The following TSHZ1 variants were observed in gnomAD, a reference collection of about 807,000 sequenced individuals.
TSHZ1 encodes teashirt homolog 1.
Under a neutral mutation model 67.1 loss-of-function variants are expected in TSHZ1, and 12 were observed. The observed-to-expected ratio is 0.18, with a 90% CI of 0.11 to 0.29. TSHZ1 has a LOEUF of 0.29. Ranked by LOEUF, TSHZ1 falls within the 10% of genes least tolerant of loss-of-function variation. The pLI, the probability that TSHZ1 is intolerant of heterozygous loss-of-function variation, is 1.00. For missense variants in TSHZ1, 1,305 were observed against 1,413.9 expected (o/e 0.92, Z 1.23); for synonymous variants, 632 against 622.4 (o/e 1.02, Z -0.23).
At position 75,287,181 on chromosome 18, in the gene TSHZ1, C is replaced by T. The variant is rs370414463; in HGVS notation, c.1774C>T (p.Leu592=). The part of the protein sequence containing the change: ...AYQLPGTVKP[L]PAAVQSVQVQ... The stretch of plus-strand genomic sequence containing the variant: ...CCAGCTCCCGGGCACCGTGAAGCCA[C>T]TGCCGGCGGCCGTGCAGAGCGTGCA... The change falls in exon 2 of 2, where the codon CTG becomes TTG. Residue 592 remains leucine, a synonymous_variant. Coordinates refer to ENST00000580243, the MANE Select transcript of TSHZ1 (RefSeq NM_001308210.2). This position sits in a 1 kb window ranked among gnomAD's most constrained non-coding sequence, Gnocchi z 5.0. The T allele has an allele frequency of 1.2e-6, 2 of 1,613,640 alleles. No individual in the cohort carries two copies. Among genetic ancestry groups the T allele is most frequent in the African/African-American group, 1.3e-5 (1 of 75,060 alleles).
chr18:75,236,945 G>C (rs999738588), intron 1 of TSHZ1, among the ~76,000 whole-genome samples: 1 of 152,180 alleles, frequency 6.6e-6, no homozygotes, highest in Non-Finnish European at 1.5e-5. Context: ...CCATCCGTAA[G>C]TTGTTAAAGC....
Position 75,289,049 on chromosome 18 carries a change from T to C in TSHZ1, c.*408T>C. 5.9e-6 allele frequency: 1 copy of C among 170,458 alleles called. No homozygotes were observed. 10.6% of individuals were successfully genotyped at this position (170,458 alleles called of 1,614,324 possible). On this transcript the variant is annotated 3_prime_UTR_variant, in exon 2 of 2. Transcript: ENST00000580243. ...AATTTAACCCTTTGAGGACTGTAAT[T>C]GCATTTCTGTGCCTTTCACTTGAAA...
intron 1 of TSHZ1, among the ~76,000 whole-genome samples, chr18:75,221,808 G>C (rs1053939789): frequency 1.3e-5 from 2 of 152,150 alleles, no homozygotes; most frequent in East Asian, 3.8e-4. Context: ...TCCTGGCATC[G>C]AGAAAAGCCA....
intron 1 of TSHZ1, among the ~76,000 whole-genome samples, chr18:75,242,036 T>A (rs1179525655): frequency 6.6e-6 from 1 of 151,258 alleles, no homozygotes; most frequent in African/African-American, 2.4e-5. Context: ...AGGATATGAA[T>A]TTTAGAGGAC....
chr18:75,257,772 G>A (rs2023379322), intron 1 of TSHZ1, among the ~76,000 whole-genome samples: 1 of 152,134 alleles, frequency 6.6e-6, no homozygotes, highest in Admixed American at 6.5e-5. Context: ...AACGCCAGTC[G>A]TCACGTTAGT....
intron 1 of TSHZ1, among the ~76,000 whole-genome samples, chr18:75,219,125 G>A (rs557297295): frequency 6.6e-6 from 1 of 152,310 alleles, no homozygotes; most frequent in East Asian, 1.9e-4. Context: ...TAATATTTTA[G>A]TATTGATTAA....
chr18:75,288,501 G>A lies in TSHZ1; in HGVS notation c.3094G>A (p.Asp1032Asn). Residue 1032 changes from aspartate (D) to asparagine (N), a missense_variant, in exon 2 of 2, where the codon GAC (aspartate) becomes AAC (asparagine). Coordinates refer to ENST00000580243, the MANE Select transcript of TSHZ1 (RefSeq NM_001308210.2). The surrounding 1 kb of genome is among the most constrained non-coding windows in gnomAD (Gnocchi z 4.9). ...TLGPLGATEEDLGSTFQCKLC... is the reference protein window; with the variant it reads ...TLGPLGATEENLGSTFQCKLC... Reference sequence around the variant, plus strand: ...GGGCCCACTGGGGGCCACCGAGGAAGACTTGGGCTCCACATTCCAATGTAA... The same window carrying A: ...GGGCCCACTGGGGGCCACCGAGGAAAACTTGGGCTCCACATTCCAATGTAA... 1 of 1,614,234 alleles carries A rather than the reference G, an allele frequency of 6.2e-7. No homozygotes were observed. Among genetic ancestry groups the A allele is most frequent in the Non-Finnish European group, 8.5e-7 (1 of 1,180,050 alleles).
chr18:75,281,213 A>C lies in TSHZ1; in HGVS notation c.41-4235A>C, dbSNP rs4891257. Among the ~76,000 whole-genome samples, 31,867 of 152,226 alleles carry C rather than the reference A, an allele frequency of 0.21. 3,688 individuals carry two copies. Among genetic ancestry groups the C allele is most frequent in the Middle Eastern group, 0.32 (94 of 294 alleles). On this transcript the variant is annotated intron_variant, in intron 1 of 1. Coordinates refer to ENST00000580243, the MANE Select transcript of TSHZ1 (RefSeq NM_001308210.2). The surrounding 1 kb of genome is among the most constrained non-coding windows in gnomAD (Gnocchi z 5.3). ...TGGAAGGCTCTGGCCACAGCTGGTC[A>C]TCAGTGCGGGGGGCCAGTTTGGATG...
At chr18:75,225,071 T>A (rs2022905853) in intron 1 of TSHZ1, among the ~76,000 whole-genome samples, 2 of 152,144 alleles carry the variant, frequency 1.3e-5, no homozygotes, top group African/African-American at 4.8e-5. Context: ...CTTATGAAAT[T>A]GGAAATAAGC....
chr18:75,268,825 CT>C (rs1463682812), intron 1 of TSHZ1, among the ~76,000 whole-genome samples: 52 of 152,302 alleles, frequency 3.4e-4, no homozygotes, highest in African/African-American at 1.2e-3. Context: ...GATATTCTTA[CT>C]GATTTAAAGG....
At chr18:75,231,963 C>G (rs56776354) in intron 1 of TSHZ1, among the ~76,000 whole-genome samples, 1 of 152,012 alleles carries the variant, frequency 6.6e-6, no homozygotes, top group African/African-American at 2.4e-5. Flanking sequence ...GGCTGGGGTT[C>G]AGTGGTGTGA....
chr18:75,265,473 G>A (rs1289150697), intron 1 of TSHZ1, among the ~76,000 whole-genome samples: 1 of 152,172 alleles, frequency 6.6e-6, no homozygotes, highest in Non-Finnish European at 1.5e-5. Flanking sequence ...CAGAGAAAGT[G>A]TGTTACATGA....
chr18:75,222,975 C>T (rs1490368251), intron 1 of TSHZ1, among the ~76,000 whole-genome samples: 1 of 152,178 alleles, frequency 6.6e-6, no homozygotes, highest in African/African-American at 2.4e-5. Flanking sequence ...TGGAGGAGAT[C>T]CACATGGGAT....
At chr18:75,256,502 C>G (rs2023363393) in intron 1 of TSHZ1, among the ~76,000 whole-genome samples, 1 of 152,136 alleles carries the variant, frequency 6.6e-6, no homozygotes, top group Non-Finnish European at 1.5e-5. Context: ...CTGGATAGTT[C>G]CACCTTCTCC....
At chr18:75,216,473 T>A (rs2022769003) in intron 1 of TSHZ1, among the ~76,000 whole-genome samples, 1 of 152,160 alleles carries the variant, frequency 6.6e-6, no homozygotes, top group African/African-American at 2.4e-5. Flanking sequence ...TATGTTAATG[T>A]ATTGGGGAGG....
chr18:75,255,333 G>A (rs964509044), intron 1 of TSHZ1, among the ~76,000 whole-genome samples: 1 of 152,090 alleles, frequency 6.6e-6, no homozygotes, highest in Non-Finnish European at 1.5e-5. Context: ...TCCATGCCTG[G>A]TAGAGCTGTA....
chr18:75,286,362 T>C lies in TSHZ1; in HGVS notation c.955T>C (p.Leu319=), dbSNP rs1190435602. Residue 319 remains leucine, a synonymous_variant, in exon 2 of 2, where the codon TTG becomes CTG. Transcript: ENST00000580243. The surrounding 1 kb of genome is among the most constrained non-coding windows in gnomAD (Gnocchi z 5.1). ...GTACTGTGGACACTCCTTTGAGTCC[T>C]TGCAGGACCTCAGCGTCCACATGAT... ...CMYCGHSFES[L]QDLSVHMIKT... The C allele has an allele frequency of 4.3e-6, 7 of 1,614,048 alleles. No individual in the cohort carries two copies. The African/African-American group carries it at 8.0e-5, about 18-fold the overall frequency.
At chr18:75,232,135 ACTC>A (rs1219327455) in intron 1 of TSHZ1, among the ~76,000 whole-genome samples, 1 of 151,844 alleles carries the variant, frequency 6.6e-6, no homozygotes, top group Non-Finnish European at 1.5e-5. Flanking sequence ...CTGGTCTCGA[ACTC>A]CTGACCTTGG....
At chr18:75,252,110 T>C (rs1252028587) in intron 1 of TSHZ1, among the ~76,000 whole-genome samples, 4 of 152,238 alleles carry the variant, frequency 2.6e-5, no homozygotes, top group African/African-American at 7.2e-5. Flanking sequence ...TGTATCTATT[T>C]ATCTATCTTT....
Sources: gnomAD v4.1 joint callset for allele counts (sites outside exome capture counted in the v4.1 genomes callset) on GRCh38, gnomAD v4.1.1 for gene constraint, Gnocchi (gnomAD v3.1) non-coding constraint, MANE v1.5 for transcripts, NCBI Gene and HGNC (gene_info 2026-07-23, HGNC 2026-07-21) for gene names.